Variants in CCDC141 observed in about 807,000 individuals in gnomAD.
CCDC141 encodes coiled-coil domain-containing protein 141.
CCDC141 carries 168 observed loss-of-function variants against 181.0 expected under a neutral mutation model. The observed-to-expected ratio is 0.93, with a 90% CI of 0.82 to 1.05. CCDC141 has a LOEUF of 1.05. Among genes scored for constraint, CCDC141 ranks in the 50% least tolerant of loss-of-function variants. The pLI, the probability that CCDC141 is intolerant of heterozygous loss-of-function variation, is 0.00. For missense variants in CCDC141, 1,902 were observed against 1,788.5 expected (o/e 1.06, Z -1.14); for synonymous variants, 666 against 642.3 (o/e 1.04, Z -0.56).
At chr2:178,897,451 C>A (rs917529312) in intron 8 of CCDC141, among the ~76,000 whole-genome samples, 3 of 152,220 alleles carry the variant, frequency 2.0e-5, no homozygotes, top group Non-Finnish European at 4.4e-5. Flanking sequence ...ATCCAATTAA[C>A]TCCTGTTTTA....
In CCDC141 at chr2:178,833,604, C is replaced by T. The variant is rs1201382651; in HGVS notation, c.*569G>A. On this transcript the variant is annotated 3_prime_UTR_variant, in exon 24 of 24. Coordinates refer to ENST00000443758, the MANE Select transcript of CCDC141 (RefSeq NM_173648.4). Reference sequence around the variant, plus strand: ...TCCAATGTCAAACCCGTGAGAGCAACATGAGGAATGATTATTTACAATGAC... The same window carrying T: ...TCCAATGTCAAACCCGTGAGAGCAATATGAGGAATGATTATTTACAATGAC... 1 of 152,994 alleles carries T rather than the reference C, an allele frequency of 6.5e-6. No individual in the cohort carries two copies. The highest frequency in any genetic ancestry group is 1.5e-5 in the Non-Finnish European group (1 of 68,616). 9.5% of individuals were successfully genotyped at this position (152,994 alleles called of 1,614,324 possible). A position where few individuals can be genotyped will look rare whatever the true frequency, so the allele number is the denominator to read the frequency against.
chr2:178,881,112 C>T (rs1294169239), intron 11 of CCDC141, among the ~76,000 whole-genome samples: 1 of 152,024 alleles, frequency 6.6e-6, no homozygotes, highest in Non-Finnish European at 1.5e-5. Context: ...ACCCACCACG[C>T]TTTAAGAACA....
At chr2:178,842,605 G>A (rs1684772405) in intron 22 of CCDC141, among the ~76,000 whole-genome samples, 1 of 152,194 alleles carries the variant, frequency 6.6e-6, no homozygotes, top group South Asian at 2.1e-4. Context: ...AGTCCATAGA[G>A]CAGGGAACTA....
At position 178,961,514 on chromosome 2, in the gene CCDC141, A is replaced by G. The variant is rs6725028; in HGVS notation, c.527-31T>C. The stretch of plus-strand genomic sequence containing the variant: ...AGAAAATTAGAAAGAAAAAAGAATA[A>G]TGATATTAGCAAGCTTTTATACAGC... On this transcript the variant is annotated intron_variant, in intron 4 of 23. Transcript: ENST00000443758. 0.49 allele frequency: 730,680 copies of G among 1,501,888 alleles called. 188,871 individuals are homozygous for G. The highest frequency in any genetic ancestry group is 0.54 in the Non-Finnish European group (602,575 of 1,110,768). 93.0% of individuals were successfully genotyped at this position (1,501,888 alleles called of 1,614,324 possible).
At chr2:178,840,223 C>G (rs139903718) in intron 22 of CCDC141, among the ~76,000 whole-genome samples, 2 of 152,288 alleles carry the variant, frequency 1.3e-5, no homozygotes, top group East Asian at 1.9e-4. Context: ...TCAACTCTCT[C>G]TCATCATCTT....
At chr2:178,994,441 T>G (rs1412066184) in intron 2 of CCDC141, among the ~76,000 whole-genome samples, 1 of 152,070 alleles carries the variant, frequency 6.6e-6, no homozygotes, top group African/African-American at 2.4e-5. Context: ...AGTGGCTCGG[T>G]TGCAGGGCAC....
At chr2:178,873,184 C>CCTG (rs1686195322) in intron 12 of CCDC141, 1 of 152,024 alleles carries the variant, frequency 6.6e-6, no homozygotes, top group Non-Finnish European at 1.5e-5. Context: ...ATCATAAATA[C>CCTG]TTAACAGGAT....
intron 4 of CCDC141, among the ~76,000 whole-genome samples, chr2:178,967,272 G>A (rs959511386): frequency 1.3e-5 from 2 of 152,210 alleles, no homozygotes; most frequent in Middle Eastern, 3.4e-3. Context: ...GATATTCCTC[G>A]AGAAGAGCAA....
intron 8 of CCDC141, among the ~76,000 whole-genome samples, chr2:178,902,592 T>G (rs1406039507): frequency 6.6e-6 from 1 of 152,142 alleles, no homozygotes; most frequent in African/African-American, 2.4e-5. Flanking sequence ...TTACACCTTA[T>G]GCAAAAATTA....
chr2:179,010,240 G>T (rs1021039554), intron 2 of CCDC141, among the ~76,000 whole-genome samples: 2 of 152,102 alleles, frequency 1.3e-5, no homozygotes, highest in African/African-American at 4.8e-5. Context: ...GGGAATAATC[G>T]AGGAAAACTT....
intron 22 of CCDC141, among the ~76,000 whole-genome samples, chr2:178,841,806 T>C (rs1271216028): frequency 6.6e-6 from 1 of 152,154 alleles, no homozygotes. Flanking sequence ...CTAATTTTTG[T>C]ATTTTTAGTA....
chr2:178,972,126 TC>T (rs1035912293), intron 4 of CCDC141, among the ~76,000 whole-genome samples: 5 of 151,962 alleles, frequency 3.3e-5, no homozygotes, highest in Admixed American at 3.3e-4. Flanking sequence ...ATATACAACA[TC>T]CAAGAAGGAA....
At chr2:178,911,090 T>C (rs1396070872) in intron 7 of CCDC141, among the ~76,000 whole-genome samples, 1 of 152,244 alleles carries the variant, frequency 6.6e-6, no homozygotes, top group Non-Finnish European at 1.5e-5. Flanking sequence ...ATCTTGGGAA[T>C]ATTAATGTAG....
At position 178,855,358 on chromosome 2, in the gene CCDC141, C is replaced by T. The variant is rs1685337133; in HGVS notation, c.3049G>A (p.Val1017Met). ...NLDLTEHFQE[V>M]IEECHFWYED... is the part of the protein sequence containing the mutation. ...CAAAAAGAGAATACCTCTTCTATCA[C>T]CTCCTGGAAATGCTCAGTCAGGTCC... The change falls in exon 19 of 24, where the codon GTG becomes ATG. Residue 1017 changes from valine to methionine, a missense_variant. Coordinates refer to ENST00000443758, the MANE Select transcript of CCDC141 (RefSeq NM_173648.4). 1 of 1,609,180 alleles carries T rather than the reference C, an allele frequency of 6.2e-7. No homozygotes were observed. The highest frequency in any genetic ancestry group is 2.2e-5 in the East Asian group (1 of 44,596).
intron 21 of CCDC141, among the ~76,000 whole-genome samples, chr2:178,849,256 C>A (rs151205795): frequency 0.02 from 3,067 of 152,282 alleles, 28 homozygotes; most frequent in Non-Finnish European, 0.028. Context: ...TCTTCACAGT[C>A]AATCCTCCGG....
At chr2:178,998,546 A>G (rs1034260401) in intron 2 of CCDC141, among the ~76,000 whole-genome samples, 59 of 152,208 alleles carry the variant, frequency 3.9e-4, no homozygotes, top group African/African-American at 1.4e-3. Context: ...TGTCCCCATC[A>G]TCTTACTGAA....
At chr2:178,970,557 T>C (rs1690839107) in intron 4 of CCDC141, among the ~76,000 whole-genome samples, 1 of 152,138 alleles carries the variant, frequency 6.6e-6, no homozygotes, top group South Asian at 2.1e-4. Flanking sequence ...TTGGGAAACC[T>C]ACTAGCCATA....
At chr2:179,015,441 ATC>A (rs1193346056) in intron 2 of CCDC141, among the ~76,000 whole-genome samples, 1 of 135,212 alleles carries the variant, frequency 7.4e-6, no homozygotes, top group Admixed American at 7.9e-5. Flanking sequence ...TACCATATAT[ATC>A]TCATATATGT....
At chr2:178,937,368 G>A (rs1427929032) in intron 6 of CCDC141, among the ~76,000 whole-genome samples, 2 of 152,132 alleles carry the variant, frequency 1.3e-5, no homozygotes, top group Admixed American at 6.5e-5. Flanking sequence ...TTTGTCTTTA[G>A]TTCTGTTTAT....
Sources: allele counts gnomAD v4.1 joint callset (sites outside exome capture counted in the v4.1 genomes callset), GRCh38; gene constraint gnomAD v4.1.1; transcripts MANE v1.5; gene names NCBI Gene and HGNC (gene_info 2026-07-23, HGNC 2026-07-21).